Variants in WNK1 observed in about 807,000 individuals in gnomAD.
WNK1 encodes the protein WNK lysine deficient protein kinase 1.
A neutral mutation model predicts 222.8 loss-of-function variants in WNK1; 38 were observed. The ratio of observed to expected loss-of-function variants is 0.17; its 90% CI spans 0.13 to 0.22. WNK1 has a LOEUF of 0.22. Ranked by LOEUF, WNK1 falls within the 10% of genes least tolerant of loss-of-function variation. The pLI is 1.00. For synonymous variants in WNK1, 1,090 were observed against 1,092.9 expected (o/e 1.00, Z 0.05); for missense variants, 2,348 against 2,918.4 (o/e 0.80, Z 4.50).
intron 8 of WNK1, among the ~76,000 whole-genome samples, chr12:865,757 A>G (rs1455009759): frequency 6.6e-6 from 1 of 151,862 alleles, no homozygotes; most frequent in Non-Finnish European, 1.5e-5. Context: ...TTTTCTCCTC[A>G]CTTTATTCTA....
rs1246103450 is a variant in WNK1 at position 859,341 on chromosome 12, C to T, written c.1497C>T (p.Ala499=). The change falls in exon 6 of 28, where the codon GCC becomes GCT. Residue 499 remains alanine, a synonymous_variant. Transcript: ENST00000315939. ...LAEEDDGEKI[A]IKLWLRIEDI... Reference sequence around the variant, plus strand: ...AAGAAGATGATGGAGAAAAAATAGCCATAAAATTATGGCTACGTATTGAAG... The same window carrying T: ...AAGAAGATGATGGAGAAAAAATAGCTATAAAATTATGGCTACGTATTGAAG... 2 of 1,612,656 alleles carry T rather than the reference C, an allele frequency of 1.2e-6. No homozygotes were observed. The highest frequency in any genetic ancestry group is 1.3e-5 in the African/African-American group (1 of 74,780).
rs936532363 is a variant in WNK1 at position 760,046 on chromosome 12, G to A, written c.759+5722G>A. 3.4e-5 allele frequency among the ~76,000 whole-genome samples: 5 copies of A among 147,830 alleles called. 1 individual carries two copies. Among genetic ancestry groups the A allele is most frequent in the Middle Eastern group, 3.3e-3 (1 of 302 alleles). ...TTAACTACTGTTCTTGGAGGAGGAGGAAAGCAGGTATTGATCTTTATGTTA... is the reference window on the plus strand; with the variant it reads ...TTAACTACTGTTCTTGGAGGAGGAGAAAAGCAGGTATTGATCTTTATGTTA... On this transcript the variant is annotated intron_variant, in intron 1 of 27. Coordinates refer to ENST00000315939, the MANE Select transcript of WNK1 (RefSeq NM_018979.4).
At chr12:774,970 T>C (rs894945529) in intron 1 of WNK1, among the ~76,000 whole-genome samples, 3 of 152,202 alleles carry the variant, frequency 2.0e-5, no homozygotes, top group Non-Finnish European at 4.4e-5. Context: ...AGTATATCAC[T>C]GTTTATACCA....
At chr12:853,912 C>G (rs548690090) in intron 4 of WNK1, among the ~76,000 whole-genome samples, 288 of 152,020 alleles carry the variant, frequency 1.9e-3, no homozygotes, top group South Asian at 8.7e-3. Context: ...CCGCCACACC[C>G]CACTAGTTTT....
intron 22 of WNK1, 95 bp from the exon 23 acceptor site, chr12:894,467 T>G: frequency 9.7e-7 from 1 of 1,026,084 alleles, no homozygotes; most frequent in Non-Finnish European, 1.5e-6. Flanking sequence ...GCTTTCCTCA[T>G]GTGTAGTTTG....
Position 761,402 on chromosome 12 carries a change from G to T in WNK1, c.759+7078G>T, listed in dbSNP as rs559559396. Among the ~76,000 whole-genome samples the T allele has an allele frequency of 8.2e-4, 122 of 148,132 alleles. 6 individuals carry two copies. The highest frequency in any genetic ancestry group is 2.9e-3 in the African/African-American group (118 of 41,254). On this transcript the variant is annotated intron_variant, in intron 1 of 27. Transcript: ENST00000315939. ...TTCTCAGGAATGTAAGAATTCTTAA[G>T]AATTTTAACAGTTTGAATTTAAGAG...
chr12:884,950 G>C lies in WNK1; in HGVS notation c.4146G>C (p.Gly1382=). 1 of 1,614,150 alleles carries C rather than the reference G, an allele frequency of 6.2e-7. No individual in the cohort carries two copies. Among genetic ancestry groups the C allele is most frequent in the Non-Finnish European group, 8.5e-7 (1 of 1,180,006 alleles). ...QSEVTVPTEE[G]IAGVATSTGV... ...AGGTTACAGTGCCCACTGAAGAGGG[G>C]ATTGCTGGAGTTGCCACCAGCACAG... is the stretch of plus-strand genomic sequence containing the variant. The change falls in exon 19 of 28, where the codon GGG becomes GGC. Residue 1382 remains glycine (G), a synonymous_variant. Coordinates refer to ENST00000315939, the MANE Select transcript of WNK1 (RefSeq NM_018979.4). This position sits in a 1 kb window ranked among gnomAD's most constrained non-coding sequence, Gnocchi z 5.6.
At chr12:790,237 C>A (rs1269189359) in intron 1 of WNK1, among the ~76,000 whole-genome samples, 1 of 152,010 alleles carries the variant, frequency 6.6e-6, no homozygotes, top group African/African-American at 2.4e-5. Flanking sequence ...AAAGTGATTT[C>A]TTTTTATCTT....
intron 1 of WNK1, among the ~76,000 whole-genome samples, chr12:801,602 C>A (rs1010132548): frequency 6.7e-6 from 1 of 150,000 alleles, no homozygotes; most frequent in African/African-American, 2.5e-5. Flanking sequence ...GAGACAAGGT[C>A]TTGCTCTGTT....
At chr12:837,900 C>G (rs1433326972) in intron 4 of WNK1, among the ~76,000 whole-genome samples, 1 of 152,168 alleles carries the variant, frequency 6.6e-6, no homozygotes, top group African/African-American at 2.4e-5. Flanking sequence ...CCTGTGCAAC[C>G]CCTAATCTGT....
chr12:865,902 C>A (rs1951627816), intron 8 of WNK1, among the ~76,000 whole-genome samples: 1 of 151,874 alleles, frequency 6.6e-6, no homozygotes, highest in Non-Finnish European at 1.5e-5. Context: ...CAAAGAACTA[C>A]ATAATGTTCC....
chr12:884,349 AAG>A lies in WNK1; in HGVS notation c.3844+108_3844+109del, dbSNP rs1309027058. On this transcript the variant is annotated intron_variant, in intron 18 of 27. Transcript: ENST00000315939. This position sits in a 1 kb window ranked among gnomAD's most constrained non-coding sequence, Gnocchi z 5.6. ...ATTTATGATGACACAGATAATAAAA[AAG>A]AATAGAAAACTGAAGTTATAACCAA... 1.3e-6 allele frequency: 2 copies of A among 1,529,200 alleles called. No homozygotes were observed. The highest frequency in any genetic ancestry group is 2.7e-5 in the African/African-American group (2 of 72,730). The allele number at this position is 1,529,200 out of a possible 1,614,324, so 94.7% of individuals were successfully genotyped here.
chr12:881,567 A>C, intron 12 of WNK1, 125 bp from the exon 13 acceptor site: 1 of 769,156 alleles, frequency 1.3e-6, no homozygotes, highest in Non-Finnish European at 2.3e-6. Flanking sequence ...TTGAGAATTT[A>C]CTAGTAAATT....
At position 889,210 on chromosome 12, in the gene WNK1, C is replaced by T. The variant is rs1291039815; in HGVS notation, c.5435C>T (p.Thr1812Ile). The change falls in exon 21 of 28, where the codon ACT (threonine) becomes ATT (isoleucine). Residue 1812 changes from threonine to isoleucine, a missense_variant. By Grantham distance (89) the Thr-to-Ile change is moderately conservative. Transcript: ENST00000315939. ...RTLSPEMITV[T>I]SAVGPVSMAA... Reference sequence around the variant, plus strand: ...CTTAGTCCAGAGATGATCACAGTGACTTCTGCGGTTGGTGTAAGTTTTGAA... The same window carrying T: ...CTTAGTCCAGAGATGATCACAGTGATTTCTGCGGTTGGTGTAAGTTTTGAA... The T allele has an allele frequency of 1.2e-6, 2 of 1,614,000 alleles. No individual in the cohort carries two copies. Among genetic ancestry groups the T allele is most frequent in the Admixed American group, 3.3e-5 (2 of 60,026 alleles).
chr12:902,969 A>G (rs1209860779), intron 26 of WNK1, among the ~76,000 whole-genome samples: 1 of 152,232 alleles, frequency 6.6e-6, no homozygotes, highest in Non-Finnish European at 1.5e-5. Context: ...TTTTACATGC[A>G]TGTGCTCAGG....
At chr12:864,110 G>GT (rs372936466) in intron 8 of WNK1, among the ~76,000 whole-genome samples, 3,422 of 124,564 alleles carry the variant, frequency 0.027, 74 homozygotes, top group Non-Finnish European at 0.039. Context: ...ATTTTTTTAA[G>GT]TTTTTTTTTT....
intron 4 of WNK1, among the ~76,000 whole-genome samples, chr12:837,482 G>T (rs1591940916): frequency 6.6e-6 from 1 of 151,532 alleles, no homozygotes; most frequent in African/African-American, 2.4e-5. Context: ...GCTGAGGCAG[G>T]AGAGTCACTT....
At chr12:788,459 T>C (rs1258651418) in intron 1 of WNK1, among the ~76,000 whole-genome samples, 1 of 152,214 alleles carries the variant, frequency 6.6e-6, no homozygotes, top group Non-Finnish European at 1.5e-5. Context: ...TAAAAGTTTG[T>C]GAGTTGTTTG....
intron 26 of WNK1, among the ~76,000 whole-genome samples, chr12:903,275 C>T (rs1214462697): frequency 1.3e-5 from 2 of 152,016 alleles, no homozygotes; most frequent in African/African-American, 2.4e-5. Flanking sequence ...AACAAAGAAG[C>T]GGGTGGAAGG....
Sources: allele counts gnomAD v4.1 joint callset (sites outside exome capture counted in the v4.1 genomes callset), GRCh38; gene constraint gnomAD v4.1.1; non-coding constraint Gnocchi (gnomAD v3.1); transcripts MANE v1.5; gene names NCBI Gene and HGNC (gene_info 2026-07-23, HGNC 2026-07-21).